Variants in EPHA6 observed in about 807,000 individuals in gnomAD.
EPHA6 encodes the protein EPH receptor A6.
Under a neutral mutation model 112.0 loss-of-function variants are expected in EPHA6, and 50 were observed. The ratio of observed to expected loss-of-function variants is 0.45; its 90% confidence interval spans 0.36 to 0.56. The LOEUF is 0.56. EPHA6 is among the 20% of genes least tolerant of loss of function. The pLI is 0.00. For synonymous variants in EPHA6, 529 were observed against 490.7 expected (o/e 1.08, Z -1.03); for missense variants, 1,280 against 1,417.4 (o/e 0.90, Z 1.56).
chr3:97,665,163 C>A (rs1338025758), intron 14 of EPHA6, among the ~76,000 whole-genome samples: 1 of 152,058 alleles, frequency 6.6e-6, no homozygotes, highest in Non-Finnish European at 1.5e-5. Flanking sequence ...GAAATAATAC[C>A]ACACATCTAC....
rs541673240 is a variant in EPHA6 at position 96,914,736 on chromosome 3, AATAC to A, written c.450+47855_450+47858del. On this transcript the variant is annotated intron_variant, in intron 2 of 17. Transcript: ENST00000389672. ...TTCTTGTTTGCTAGCAAAATTTGAA[AATAC>A]ATACATAATCTAGAGTAAAGTTGTA... Among the ~76,000 whole-genome samples the A allele has an allele frequency of 1.6e-3, 243 of 152,226 alleles. 1 individual carries two copies. The highest frequency in any genetic ancestry group is 5.7e-3 in the African/African-American group (235 of 41,566).
chr3:96,871,109 G>A (rs1489215508), intron 2 of EPHA6, among the ~76,000 whole-genome samples: 3 of 151,856 alleles, frequency 2.0e-5, no homozygotes, highest in Admixed American at 1.3e-4. Flanking sequence ...AACATATATG[G>A]TAATGTTCTA....
rs114818066 is a variant in EPHA6, at chr3:97,333,018, A to G, written c.1607-72132A>G. ...CAGAAAACTTTGTTTTCAGTAGGAA[A>G]TTGCATTAATCCTATAGCTTAAATT... is the stretch of plus-strand genomic sequence containing the variant. On this transcript the variant is annotated intron_variant, in intron 5 of 17. Transcript: ENST00000389672. 7.5e-3 allele frequency among the ~76,000 whole-genome samples: 1,146 copies of G among 152,170 alleles called. 14 individuals are homozygous for G. The highest frequency in any genetic ancestry group is 0.026 in the African/African-American group (1,097 of 41,544).
At chr3:97,412,502 CA>C (rs368045348) in intron 6 of EPHA6, among the ~76,000 whole-genome samples, 4 of 152,002 alleles carry the variant, frequency 2.6e-5, no homozygotes, top group African/African-American at 7.2e-5. Flanking sequence ...AGTTGTTATC[CA>C]ATTCTGAACT....
intron 7 of EPHA6, among the ~76,000 whole-genome samples, chr3:97,471,000 C>A (rs1441945619): frequency 6.6e-6 from 1 of 151,522 alleles, no homozygotes; most frequent in Non-Finnish European, 1.5e-5. Flanking sequence ...ATACATTTTT[C>A]TCCTACAAAA....
intron 3 of EPHA6, among the ~76,000 whole-genome samples, chr3:97,100,685 T>G (rs1340799996): frequency 2.0e-5 from 3 of 151,936 alleles, no homozygotes; most frequent in African/African-American, 7.2e-5. Flanking sequence ...GTTCCAAATA[T>G]TTTTCCTTTA....
At chr3:97,422,137 CAAAA>C (rs34312259) in intron 6 of EPHA6, among the ~76,000 whole-genome samples, 2,955 of 103,440 alleles carry the variant, frequency 0.029, 90 homozygotes, top group African/African-American at 0.085. Flanking sequence ...AATAGTCTCT[CAAAA>C]AAAAAAAAAA....
At chr3:96,996,218 T>C (rs944283044) in intron 3 of EPHA6, among the ~76,000 whole-genome samples, 2 of 152,154 alleles carry the variant, frequency 1.3e-5, no homozygotes, top group Non-Finnish European at 2.9e-5. Flanking sequence ...TTCATTCATA[T>C]CTTGTCTCTA....
At chr3:97,218,307 T>C (rs2078091629) in intron 3 of EPHA6, among the ~76,000 whole-genome samples, 1 of 152,018 alleles carries the variant, frequency 6.6e-6, no homozygotes, top group Non-Finnish European at 1.5e-5. Context: ...TAGCTCTCAG[T>C]CTGTGTATTA....
At chr3:97,206,611 C>G (rs945935432) in intron 3 of EPHA6, among the ~76,000 whole-genome samples, 3 of 152,014 alleles carry the variant, frequency 2.0e-5, no homozygotes, top group African/African-American at 4.8e-5. Flanking sequence ...AGCTACTCTA[C>G]TTGATACTAA....
At position 97,389,551 on chromosome 3, in the gene EPHA6, T is replaced by TA. The variant is rs1397617902; in HGVS notation, c.1607-15596dup. Among the ~76,000 whole-genome samples the TA allele has an allele frequency of 2.0e-5, 3 of 152,312 alleles. No individual in the cohort carries two copies. The East Asian group carries it at 5.8e-4, about 29-fold the overall frequency. Reference sequence around the variant, plus strand: ...AGAAAACAAATATTTCTTGATTGCATAAACAAACCCTGTAAATGTATTTGT... The same window carrying TA: ...AGAAAACAAATATTTCTTGATTGCATAAAACAAACCCTGTAAATGTATTTGT... On this transcript the variant is annotated intron_variant, in intron 5 of 17. Coordinates refer to ENST00000389672, the MANE Select transcript of EPHA6 (RefSeq NM_001080448.3).
intron 9 of EPHA6, among the ~76,000 whole-genome samples, chr3:97,483,083 A>G (rs929892801): frequency 1.3e-5 from 2 of 152,194 alleles, no homozygotes; most frequent in African/African-American, 4.8e-5. Context: ...CAAGACTGCC[A>G]TTTCTCTAAA....
At chr3:97,186,782 A>G (rs970600677) in intron 3 of EPHA6, among the ~76,000 whole-genome samples, 2 of 152,100 alleles carry the variant, frequency 1.3e-5, no homozygotes, top group Admixed American at 6.6e-5. Context: ...ACTTCTTACA[A>G]GTTTGTCAAA....
intron 5 of EPHA6, among the ~76,000 whole-genome samples, chr3:97,371,522 CCAT>C (rs1328413860): frequency 3.9e-5 from 6 of 152,110 alleles, no homozygotes; most frequent in African/African-American, 1.4e-4. Flanking sequence ...TCTCTTAATC[CCAT>C]CATCTTCATA....
At chr3:97,478,944 G>T (rs1263091078) in intron 8 of EPHA6, among the ~76,000 whole-genome samples, 1 of 152,082 alleles carries the variant, frequency 6.6e-6, no homozygotes, top group Non-Finnish European at 1.5e-5. Flanking sequence ...GAAGACAGTT[G>T]TATACATTTC....
At chr3:97,043,361 G>A (rs1000521195) in intron 3 of EPHA6, among the ~76,000 whole-genome samples, 2 of 152,048 alleles carry the variant, frequency 1.3e-5, no homozygotes, top group Non-Finnish European at 2.9e-5. Flanking sequence ...AACTTTATAA[G>A]GCCACATGTC....
At chr3:97,460,139 G>A (rs1226972816) in intron 7 of EPHA6, among the ~76,000 whole-genome samples, 2 of 152,206 alleles carry the variant, frequency 1.3e-5, no homozygotes, top group Non-Finnish European at 2.9e-5. Context: ...TAACATAGAG[G>A]TACATTCTAA....
At chr3:97,709,668 C>A (rs2033864472) in intron 14 of EPHA6, among the ~76,000 whole-genome samples, 1 of 152,194 alleles carries the variant, frequency 6.6e-6, no homozygotes, top group South Asian at 2.1e-4. Flanking sequence ...TCTGTGTCCA[C>A]ATATGAATTT....
rs149822704 is a variant in EPHA6, at chr3:97,432,961, C to T, written c.1732-15607C>T. Among the ~76,000 whole-genome samples the T allele has an allele frequency of 2.0e-4, 31 of 152,174 alleles. 1 individual carries two copies. The East Asian group carries it at 6.0e-3, about 30-fold the overall frequency. On this transcript the variant is annotated intron_variant, in intron 6 of 17. Transcript: ENST00000389672. The stretch of plus-strand genomic sequence containing the variant: ...TTTGGGTGGGACCACAGAGCCAAAC[C>T]ACATCATAAAGTCATTTAGTTTGCA...
Sources: allele counts gnomAD v4.1 joint callset (sites outside exome capture counted in the v4.1 genomes callset), GRCh38; gene constraint gnomAD v4.1.1; transcripts MANE v1.5; gene names NCBI Gene and HGNC (gene_info 2026-07-23, HGNC 2026-07-21).